DHDDS: variants seen among roughly 807,000 people sequenced by gnomAD.
The protein encoded by DHDDS is dehydrodolichyl diphosphate synthase complex subunit DHDDS.
In DHDDS, 16 loss-of-function variants were observed where a neutral mutation model predicts 46.2. That is an observed-to-expected ratio of 0.35 (90% CI 0.23 to 0.53). The LOEUF is 0.53. Ranked by LOEUF, DHDDS falls within the 20% of genes least tolerant of loss-of-function variation. The pLI, the probability that DHDDS is intolerant of heterozygous loss-of-function variation, is 0.94. For synonymous variants in DHDDS, 151 were observed against 163.1 expected, an observed-to-expected ratio of 0.93 and a Z score of 0.56; for missense variants, 340 against 423.7, an observed-to-expected ratio of 0.80 and a Z score of 1.73.
At chr1:26,435,429 CCTTT>C (rs1331444423) in intron 2 of DHDDS, among the ~76,000 whole-genome samples, 1 of 122,576 alleles carries the variant, frequency 8.2e-6, no homozygotes, top group Non-Finnish European at 1.6e-5. Flanking sequence ...GGAATTAGTG[CCTTT>C]TTTTTTTTTT....
chr1:26,445,914 T>C (rs2075263219), intron 4 of DHDDS, among the ~76,000 whole-genome samples: 1 of 151,884 alleles, frequency 6.6e-6, no homozygotes. Flanking sequence ...TCCCAGCTAC[T>C]TGGGAGGCTG....
chr1:26,433,675 CAA>C (rs576315586), intron 2 of DHDDS, among the ~76,000 whole-genome samples: 6,178 of 94,620 alleles, frequency 0.065, 141 homozygotes, highest in South Asian at 0.093. Context: ...GACTCTGTCT[CAA>C]AAAAAAAAAA....
At chr1:26,454,787 C>T in intron 6 of DHDDS, 3 of 1,582,500 alleles carry the variant, frequency 1.9e-6, no homozygotes, top group Non-Finnish European at 2.6e-6. Flanking sequence ...GTTAATCCAA[C>T]CATGAGCTCT....
chr1:26,464,012 T>C (rs920602677), intron 8 of DHDDS, among the ~76,000 whole-genome samples: 1 of 147,716 alleles, frequency 6.8e-6, no homozygotes, highest in African/African-American at 2.5e-5. Flanking sequence ...TTTTTTTTTT[T>C]TTTTGAGACG....
chr1:26,441,602 T>C lies in DHDDS; in HGVS notation c.181-1129T>C, dbSNP rs568227063. Among the ~76,000 whole-genome samples, 7 of 152,178 alleles carry C rather than the reference T, an allele frequency of 4.6e-5. No individual in the cohort carries two copies. In the South Asian group the frequency reaches 6.2e-4, roughly 14 times the overall value. ...TCTAACCCATACCCCTGTCAAGATA[T>C]AGGACATTTCCTGCCGGGCTCAGTA... On this transcript the variant is annotated intron_variant, in intron 3 of 8. Transcript: ENST00000236342.
At chr1:26,451,047 A>G (rs1319613534) in intron 6 of DHDDS, among the ~76,000 whole-genome samples, 1 of 152,098 alleles carries the variant, frequency 6.6e-6, no homozygotes, top group East Asian at 1.9e-4. Flanking sequence ...CCACTACCTT[A>G]TCTCCTGCTT....
intron 4 of DHDDS, chr1:26,443,209 A>G (rs555136039): frequency 4.5e-4 from 134 of 297,410 alleles, no homozygotes; most frequent in Non-Finnish European, 8.0e-4. Flanking sequence ...TCTGCAGACC[A>G]GTTTTCTCTT....
chr1:26,437,772 G>A lies in DHDDS; in HGVS notation c.64-396G>A, dbSNP rs1303218589. On this transcript the variant is annotated intron_variant, in intron 2 of 8. Coordinates refer to ENST00000236342, the MANE Select transcript of DHDDS (RefSeq NM_205861.3). ...ATTACAGGCGTGAGCCACCATGCCC[G>A]GCCGACCCCATCTCTTAAAAAAAGA... 2.6e-5 allele frequency among the ~76,000 whole-genome samples: 4 copies of A among 151,212 alleles called. 1 individual carries two copies. Among genetic ancestry groups the A allele is most frequent in the South Asian group, 4.2e-4 (2 of 4,772 alleles).
At chr1:26,466,951 T>A (rs997845643) in intron 8 of DHDDS, 4 of 166,588 alleles carry the variant, frequency 2.4e-5, no homozygotes, top group African/African-American at 9.5e-5. Flanking sequence ...GTGCTCCAGG[T>A]GGACTTACTC....
At chr1:26,434,819 A>C (rs2124344410) in intron 2 of DHDDS, among the ~76,000 whole-genome samples, 1 of 130,784 alleles carries the variant, frequency 7.6e-6, no homozygotes, top group Middle Eastern at 3.7e-3. Context: ...ATGCCTGGCT[A>C]ATTTTTTTTT....
chr1:26,437,155 G>GC (rs1403748243), intron 2 of DHDDS, among the ~76,000 whole-genome samples: 8 of 151,998 alleles, frequency 5.3e-5, no homozygotes, highest in Admixed American at 5.2e-4. Context: ...GGGCGACAGA[G>GC]CGAGACTCCT....
chr1:26,464,548 G>A (rs187065982), intron 8 of DHDDS, among the ~76,000 whole-genome samples: 20 of 151,188 alleles, frequency 1.3e-4, no homozygotes, highest in Middle Eastern at 3.4e-3. Context: ...TCAAAGCTCT[G>A]TTTCTAGAAA....
At chr1:26,452,304 A>C (rs191105652) in intron 6 of DHDDS, among the ~76,000 whole-genome samples, 39 of 152,260 alleles carry the variant, frequency 2.6e-4, no homozygotes, top group Non-Finnish European at 4.4e-4. Flanking sequence ...TGGCCTCCCA[A>C]AGTGCTGGGA....
At chr1:26,436,994 C>T (rs1295914552) in intron 2 of DHDDS, among the ~76,000 whole-genome samples, 4 of 151,830 alleles carry the variant, frequency 2.6e-5, no homozygotes, top group African/African-American at 9.7e-5. Flanking sequence ...CACGGTGAAA[C>T]CCCGTCTCTA....
chr1:26,436,400 GTTTT>G (rs1281367257), intron 2 of DHDDS, among the ~76,000 whole-genome samples: 2 of 97,680 alleles, frequency 2.0e-5, no homozygotes, highest in African/African-American at 3.5e-5. Flanking sequence ...GTAAGACTCT[GTTTT>G]GTTTGTTTGT....
intron 7 of DHDDS, among the ~76,000 whole-genome samples, chr1:26,459,127 C>T (rs1224386781): frequency 1.3e-5 from 2 of 152,190 alleles, no homozygotes; most frequent in African/African-American, 4.8e-5. Context: ...AAACTCTGAA[C>T]AAGTCATTAC....
intron 8 of DHDDS, chr1:26,467,193 C>T (rs888633311): frequency 1.6e-5 from 6 of 377,348 alleles, no homozygotes; most frequent in Non-Finnish European, 2.9e-5. Context: ...TGCATCGTGG[C>T]ACTCTGTGTG....
chr1:26,455,496 C>G (rs1377993173), intron 6 of DHDDS, among the ~76,000 whole-genome samples: 1 of 152,108 alleles, frequency 6.6e-6, no homozygotes, highest in Non-Finnish European at 1.5e-5. Flanking sequence ...CCTGTAATCC[C>G]AGCACTTTGG....
In DHDDS at chr1:26,460,067, G is replaced by A. The variant is rs143075758; in HGVS notation, c.688G>A (p.Val230Ile). 2.5e-5 allele frequency: 40 copies of A among 1,613,970 alleles called. 1 individual carries two copies. The highest frequency in any genetic ancestry group is 5.5e-5 in the South Asian group (5 of 91,088). Reference sequence around the variant, plus strand: ...TCACTCCTGCCTGGTGTTCCAACCCGTTCTGTGGCCAGAGTATACATTTTG... The same window carrying A: ...TCACTCCTGCCTGGTGTTCCAACCCATTCTGTGGCCAGAGTATACATTTTG... ...TSHSCLVFQP[V>I]LWPEYTFWNL... is the part of the protein sequence containing the mutation. The change falls in exon 8 of 9, where the codon GTT becomes ATT. Residue 230 changes from valine (V) to isoleucine (I), a missense_variant. Physicochemically the swap from Val to Ile is conservative, Grantham distance 29. Around this residue, in one of 2 missense-constraint regions of DHDDS, gnomAD observed 268 missense variants for 300.3 expected, o/e 0.89. Transcript: ENST00000236342.
Sources: gnomAD v4.1 joint callset for allele counts (sites outside exome capture counted in the v4.1 genomes callset) on GRCh38, gnomAD v4.1.1 for gene constraint, gnomAD v4.1.1 regional missense constraint, MANE v1.5 for transcripts, NCBI Gene and HGNC (gene_info 2026-07-23, HGNC 2026-07-21) for gene names.